Variants in LAMA5 observed in about 807,000 individuals in gnomAD.
LAMA5 encodes laminin subunit alpha 5, also known as laminin subunit alpha-5.
LAMA5 carries 260 observed loss-of-function variants against 433.4 expected under a neutral mutation model. The observed-to-expected ratio is 0.60, with a 90% CI of 0.54 to 0.66. The LOEUF is 0.66. Among genes scored for constraint, LAMA5 ranks in the 30% least tolerant of loss-of-function variants. The pLI, the probability that LAMA5 is intolerant of heterozygous loss-of-function variation, is 0.00. For missense variants in LAMA5, 5,378 were observed against 5,258.5 expected (o/e 1.02, Z -0.70); for synonymous variants, 2,620 against 2,226.6 (o/e 1.18, Z -4.97).
chr20:62,322,706 G>C lies in LAMA5; in HGVS notation c.6117C>G (p.His2039Gln). Residue 2039 changes from histidine to glutamine, a missense_variant, in exon 46 of 80, where the codon CAC becomes CAG. By Grantham distance (24) the His-to-Gln change is conservative (BLOSUM62 0). Transcript: ENST00000252999. Reference protein sequence around the residue: ...GTEACDPHSGHCLCKAGVTGR... With the variant: ...GTEACDPHSGQCLCKAGVTGR... The stretch of plus-strand genomic sequence containing the variant: ...CAGTCACGCCCGCCTTGCACAGGCA[G>C]TGCCCGCTGTGGGGGTCGCAGGCCT... 1 of 1,543,550 alleles carries C rather than the reference G, an allele frequency of 6.5e-7. No individual in the cohort carries two copies. The highest frequency in any genetic ancestry group is 8.7e-7 in the Non-Finnish European group (1 of 1,146,054).
chr20:62,334,920 C>T, intron 20 of LAMA5, 101 bp downstream of exon 20: 1 of 1,152,292 alleles, frequency 8.7e-7, no homozygotes, highest in African/African-American at 1.5e-5. Flanking sequence ...ACCCGGGCTT[C>T]ATGCTGCCCA....
chr20:62,328,742 G>T, intron 34 of LAMA5, 102 bp downstream of exon 34: 1 of 1,192,530 alleles, frequency 8.4e-7, no homozygotes, highest in Non-Finnish European at 1.2e-6. Flanking sequence ...GCCCTGCCAG[G>T]CTCTAGAACA....
chr20:62,342,079 G>A (rs1253923786), intron 11 of LAMA5: 1 of 156,916 alleles, frequency 6.4e-6, no homozygotes, highest in African/African-American at 2.4e-5. Context: ...GAGGCAGGTG[G>A]ATCACTTGTG....
chr20:62,362,360 A>G, intron 2 of LAMA5, 40 bp downstream of exon 2: 1 of 1,431,390 alleles, frequency 7.0e-7, no homozygotes, highest in Non-Finnish European at 9.2e-7. Context: ...GGGCACAGAC[A>G]CAGAGATGGG....
intron 11 of LAMA5, among the ~76,000 whole-genome samples, chr20:62,339,848 C>A (rs990624719): frequency 6.6e-6 from 1 of 152,198 alleles, no homozygotes; most frequent in Non-Finnish European, 1.5e-5. Context: ...CCAGAACTGA[C>A]AGAGGCAAGG....
Position 62,346,112 on chromosome 20 carries a change from G to A in LAMA5, c.1386C>T (p.Ala462=), listed in dbSNP as rs147766243. ...AGCTTGGGAAGCCCGTGAAGCCCTCGGCACACACGTCACACCGCTCCCCAG... is the reference window on the plus strand; with the variant it reads ...AGCTTGGGAAGCCCGTGAAGCCCTCAGCACACACGTCACACCGCTCCCCAG... ...NFSGERCDVC[A]EGFTGFPSCY... The change falls in exon 10 of 80, where the codon GCC becomes GCT. Residue 462 remains alanine (A), a synonymous_variant. Transcript: ENST00000252999. 1.1e-5 allele frequency: 17 copies of A among 1,613,008 alleles called. No homozygotes were observed. The highest frequency in any genetic ancestry group is 5.5e-5 in the South Asian group (5 of 91,078).
In LAMA5 at chr20:62,324,390, A is replaced by T; in HGVS notation, c.5643+51T>A. Reference sequence around the variant, plus strand: ...CCCCTGGTCTTCCCTGGCACACTTGACTGTGCCTTCAGTGAATGCTGCCCC... The same window carrying T: ...CCCCTGGTCTTCCCTGGCACACTTGTCTGTGCCTTCAGTGAATGCTGCCCC... On this transcript the variant is annotated intron_variant, in intron 42 of 79. Coordinates refer to ENST00000252999, the MANE Select transcript of LAMA5 (RefSeq NM_005560.6). This position sits in a 1 kb window ranked among gnomAD's most constrained non-coding sequence, Gnocchi z 4.4. 6.7e-7 allele frequency: 1 copy of T among 1,495,324 alleles called. No individual in the cohort carries two copies. The highest frequency in any genetic ancestry group is 9.2e-7 in the Non-Finnish European group (1 of 1,084,496). 92.6% of individuals were successfully genotyped at this position (1,495,324 alleles called of 1,614,324 possible).
At chr20:62,335,865 T>C (rs1601365257) in intron 18 of LAMA5, among the ~76,000 whole-genome samples, 2 of 89,542 alleles carry the variant, frequency 2.2e-5, no homozygotes, top group African/African-American at 4.6e-5. Flanking sequence ...CAGGAACCCC[T>C]GCACCCCAAC....
rs1981205377 is a variant in LAMA5 at position 62,334,686 on chromosome 20, A to G, written c.2483-65T>C. The G allele has an allele frequency of 3.8e-6, 5 of 1,328,768 alleles. No individual in the cohort carries two copies. In the Admixed American group the frequency reaches 6.3e-5, roughly 17 times the overall value. 82.3% of individuals were successfully genotyped at this position (1,328,768 alleles called of 1,614,324 possible). A position where few individuals can be genotyped will look rare whatever the true frequency, so the allele number is the denominator to read the frequency against. On this transcript the variant is annotated intron_variant, in intron 20 of 79. Transcript: ENST00000252999. ...CCACCCAGCCTCAGGGGCCCCTCAC[A>G]GCCAGACTGAGAAGCCTGCCTGGGG... is the stretch of plus-strand genomic sequence containing the variant.
chr20:62,322,029 G>A lies in LAMA5; in HGVS notation c.6486C>T (p.Ile2162=), dbSNP rs1342007189. Residue 2162 remains isoleucine, a synonymous_variant, in exon 48 of 80, where the codon ATC becomes ATT. Coordinates refer to ENST00000252999, the MANE Select transcript of LAMA5 (RefSeq NM_005560.6). ...PVPGGPVGHS[I]HCEVCDHCVV... is the part of the protein sequence containing the mutation. ...GTGTTGAGGACACACCTTCACAGTG[G>A]ATGCTGTGGCCCACAGGCCCGCCTG... 1.3e-6 allele frequency: 2 copies of A among 1,598,602 alleles called. No homozygotes were observed. The highest frequency in any genetic ancestry group is 2.7e-5 in the African/African-American group (2 of 74,812).
rs374424623 is a variant in LAMA5 at position 62,309,707 on chromosome 20, C to T, written c.10948+9G>A. ...CAGCTCCCCCACCCTTGATCAAGGCCGCACTCACCAGGCAGGCCCCCGAGG... is the reference window on the plus strand; with the variant it reads ...CAGCTCCCCCACCCTTGATCAAGGCTGCACTCACCAGGCAGGCCCCCGAGG... On this transcript the variant is annotated intron_variant, in intron 79 of 79. Coordinates refer to ENST00000252999, the MANE Select transcript of LAMA5 (RefSeq NM_005560.6). 9.1e-5 allele frequency: 143 copies of T among 1,576,238 alleles called. No individual in the cohort carries two copies. The highest frequency in any genetic ancestry group is 8.6e-4 in the Admixed American group (45 of 52,624).
At chr20:62,333,842 G>A in intron 23 of LAMA5, 59 bp downstream of exon 23, 1 of 1,462,890 alleles carries the variant, frequency 6.8e-7, no homozygotes, top group South Asian at 1.3e-5. Context: ...TGGGAGTGGG[G>A]TGGGGTGGGG....
chr20:62,337,379 G>A (rs1001422565), intron 16 of LAMA5, among the ~76,000 whole-genome samples: 2 of 152,248 alleles, frequency 1.3e-5, no homozygotes, highest in African/African-American at 4.8e-5. Context: ...AGACACGACA[G>A]GCGCGGATGC....
At chr20:62,339,911 G>A (rs989109801) in intron 11 of LAMA5, among the ~76,000 whole-genome samples, 2 of 152,206 alleles carry the variant, frequency 1.3e-5, no homozygotes, top group Non-Finnish European at 2.9e-5. Context: ...GAAGACGTCA[G>A]CGTGACCAAG....
intron 38 of LAMA5, 81 bp downstream of exon 38, chr20:62,327,152 G>T: frequency 7.4e-7 from 1 of 1,358,082 alleles, no homozygotes. Flanking sequence ...TCCCTGGACA[G>T]ACCCCGCTCC....
chr20:62,327,329 C>T lies in LAMA5; in HGVS notation c.5016G>A (p.Glu1672=), dbSNP rs1363410104. 1.9e-6 allele frequency: 3 copies of T among 1,602,408 alleles called. No individual in the cohort carries two copies. Among genetic ancestry groups the T allele is most frequent in the Non-Finnish European group, 2.6e-6 (3 of 1,174,604 alleles). The change falls in exon 38 of 80, where the codon GAG becomes GAA. Residue 1672 remains glutamate, a synonymous_variant. Transcript: ENST00000252999. Reference sequence around the variant, plus strand: ...CGTGCCGCAGGTCTGCACGGAGCATCTCCGTCCCTGGCTGCCGCTCGTGGG... The same window carrying T: ...CGTGCCGCAGGTCTGCACGGAGCATTTCCGTCCCTGGCTGCCGCTCGTGGG... ...VVPHERQPGT[E]MLRADLRHVP... is the part of the protein sequence containing the mutation.
At position 62,320,593 on chromosome 20, in the gene LAMA5, C is replaced by T. The variant is rs1987586026; in HGVS notation, c.6725G>A (p.Ser2242Asn). 1 of 1,605,596 alleles carries T rather than the reference C, an allele frequency of 6.2e-7. No homozygotes were observed. The highest frequency in any genetic ancestry group is 1.7e-4 in the Middle Eastern group (1 of 6,014). The change falls in exon 50 of 80, where the codon AGC (serine) becomes AAC (asparagine). Residue 2242 changes from serine to asparagine, a missense_variant. By Grantham distance (46) the Ser-to-Asn change is conservative. Coordinates refer to ENST00000252999, the MANE Select transcript of LAMA5 (RefSeq NM_005560.6). ...TAGCCGCCGTGCGTCCTGCCCGAGG[C>T]TTGTGCTCTGCTGCTCCAGCACCTC... ...QLEVLEQQSTSLGQDARRLGG... is the reference protein window; with the variant it reads ...QLEVLEQQSTNLGQDARRLGG...
chr20:62,336,686 G>A (rs1230484143), intron 17 of LAMA5, 48 bp downstream of exon 17: 2 of 1,603,388 alleles, frequency 1.2e-6, no homozygotes, highest in Non-Finnish European at 1.7e-6. Context: ...CTTTTAGCTT[G>A]GCCTGGGTCC....
intron 11 of LAMA5, 80 bp downstream of exon 11, chr20:62,345,738 C>A: frequency 9.8e-7 from 1 of 1,022,136 alleles, no homozygotes; most frequent in Non-Finnish European, 1.4e-6. Flanking sequence ...AAAATCCTCC[C>A]TTTCTCCAGG....
Sources: gnomAD v4.1 joint callset for allele counts (sites outside exome capture counted in the v4.1 genomes callset) on GRCh38, gnomAD v4.1.1 for gene constraint, Gnocchi (gnomAD v3.1) non-coding constraint, MANE v1.5 for transcripts, NCBI Gene and HGNC (gene_info 2026-07-23, HGNC 2026-07-21) for gene names.